Variants in STK10 observed in about 807,000 individuals in gnomAD.
STK10 encodes serine/threonine-protein kinase 10.
A neutral mutation model predicts 113.8 loss-of-function variants in STK10; 78 were observed. That is an observed-to-expected ratio of 0.69 (90% CI 0.57 to 0.83). The LOEUF is 0.83. STK10 is among the 40% of genes least tolerant of loss of function. The pLI, the probability that STK10 is intolerant of heterozygous loss-of-function variation, is 0.00. For missense variants in STK10, 1,109 were observed against 1,280.1 expected, an observed-to-expected ratio of 0.87 and a Z score of 2.04; for synonymous variants, 465 against 494.7, an observed-to-expected ratio of 0.94 and a Z score of 0.80.
At chr5:172,107,630 A>G in intron 5 of STK10, 150 bp downstream of exon 5, 1 of 613,472 alleles carries the variant, frequency 1.6e-6, no homozygotes, top group East Asian at 3.0e-5. Flanking sequence ...GGAAAGCTAA[A>G]CAGCTTGTCC....
At chr5:172,128,971 G>A (rs925575448) in intron 2 of STK10, among the ~76,000 whole-genome samples, 1 of 152,186 alleles carries the variant, frequency 6.6e-6, no homozygotes, top group African/African-American at 2.4e-5. Flanking sequence ...GAGGTCATGT[G>A]GGTCCTATGA....
chr5:172,070,142 G>C (rs2113713704), intron 12 of STK10, among the ~76,000 whole-genome samples: 1 of 152,114 alleles, frequency 6.6e-6, no homozygotes, highest in Non-Finnish European at 1.5e-5. Flanking sequence ...CAGCTACTTG[G>C]GGGGCTGAGG....
chr5:172,098,457 C>T (rs1768906201), intron 7 of STK10, among the ~76,000 whole-genome samples: 1 of 152,016 alleles, frequency 6.6e-6, no homozygotes, highest in Non-Finnish European at 1.5e-5. Context: ...GCTTGTTGGG[C>T]GGCAGGAGCC....
At position 172,066,883 on chromosome 5, in the gene STK10, C is replaced by T. The variant is rs1364964105; in HGVS notation, c.1990-2071G>A. ...AGCTGAGTATGAGTGAGACAGGTGC[C>T]AAGCAGTATAGCAAAAAACAAAAAA... On this transcript the variant is annotated intron_variant, in intron 12 of 18. Coordinates refer to ENST00000176763, the MANE Select transcript of STK10 (RefSeq NM_005990.4). Among the ~76,000 whole-genome samples, 6 of 152,154 alleles carry T rather than the reference C, an allele frequency of 3.9e-5. No individual in the cohort carries two copies. In the East Asian group the frequency reaches 1.2e-3, roughly 29 times the overall value.
intron 4 of STK10, among the ~76,000 whole-genome samples, chr5:172,110,935 TG>T (rs1177532871): frequency 6.6e-6 from 1 of 152,156 alleles, no homozygotes; most frequent in Admixed American, 6.5e-5. Context: ...CGGCACCTCC[TG>T]GGAGTGGTCA....
intron 3 of STK10, among the ~76,000 whole-genome samples, chr5:172,126,421 G>A (rs79273046): frequency 0.15 from 22,627 of 152,072 alleles, 1,684 homozygotes; most frequent in Non-Finnish European, 0.16. Flanking sequence ...AAAATTAGCC[G>A]GGCATGGTCG....
intron 7 of STK10, among the ~76,000 whole-genome samples, chr5:172,097,574 G>A (rs1034971882): frequency 2.6e-5 from 4 of 152,046 alleles, no homozygotes; most frequent in African/African-American, 7.3e-5. Context: ...CTACATTGTC[G>A]CCTATTTCAG....
intron 2 of STK10, among the ~76,000 whole-genome samples, chr5:172,143,339 T>A (rs180973851): frequency 1.3e-5 from 2 of 152,084 alleles, no homozygotes; most frequent in East Asian, 3.9e-4. Flanking sequence ...CACTCCAGGC[T>A]AAGCAACACA....
At chr5:172,114,524 C>G (rs1769330712) in intron 4 of STK10, 1 of 119,386 alleles carries the variant, frequency 8.4e-6, no homozygotes, top group Non-Finnish European at 1.6e-5. Context: ...ACTCTGTCGC[C>G]CAGGCTGGAG....
rs1767408472 is a variant in STK10 at position 172,042,934 on chromosome 5, T to C, written c.*1948A>G. ...CAATGTTGAGAAAATTTCCAGGGAA[T>C]TGCTTTAGAAAGACAGAGTATACAG... On this transcript the variant is annotated 3_prime_UTR_variant, in exon 19 of 19. Transcript: ENST00000176763. 1 of 152,142 alleles carries C rather than the reference T, an allele frequency of 6.6e-6. No homozygotes were observed. The highest frequency in any genetic ancestry group is 1.5e-5 in the Non-Finnish European group (1 of 68,018). 9.4% of individuals were successfully genotyped at this position (152,142 alleles called of 1,614,324 possible).
At chr5:172,053,080 A>G in intron 17 of STK10, 38 bp from the exon 18 acceptor site, 1 of 1,574,630 alleles carries the variant, frequency 6.4e-7, no homozygotes, top group Non-Finnish European at 8.7e-7. Context: ...GAGAAATCAG[A>G]AGACGCAGGC....
At chr5:172,114,383 T>G (rs1769319374) in intron 4 of STK10, among the ~76,000 whole-genome samples, 1 of 144,574 alleles carries the variant, frequency 6.9e-6, no homozygotes, top group Non-Finnish European at 1.5e-5. Flanking sequence ...GATTAAAAAC[T>G]ATAATACTGA....
intron 1 of STK10, among the ~76,000 whole-genome samples, chr5:172,166,523 A>G (rs1188545854): frequency 1.3e-5 from 2 of 152,224 alleles, no homozygotes; most frequent in Non-Finnish European, 2.9e-5. Context: ...ACATTCACTG[A>G]GACCTCACCA....
Position 172,187,768 on chromosome 5 carries a change from C to T in STK10, c.156+119G>A. ...GTCATCGGGATGAGGGCCAGGGACC[C>T]CGAATTCAGCGCCGGGCAGCCCTCG... On this transcript the variant is annotated intron_variant, in intron 1 of 18. Coordinates refer to ENST00000176763, the MANE Select transcript of STK10 (RefSeq NM_005990.4). This position sits in a 1 kb window ranked among gnomAD's most constrained non-coding sequence, Gnocchi z 4.6. 1 of 1,446,418 alleles carries T rather than the reference C, an allele frequency of 6.9e-7. No individual in the cohort carries two copies. Among genetic ancestry groups the T allele is most frequent in the East Asian group, 2.5e-5 (1 of 40,088 alleles). The allele number at this position is 1,446,418 out of a possible 1,614,324, so 89.6% of individuals were successfully genotyped here.
rs1420596469 is a variant in STK10, at chr5:172,083,103, C to T, written c.1686-19G>A. 3 of 1,613,420 alleles carry T rather than the reference C, an allele frequency of 1.9e-6. No individual in the cohort carries two copies. The highest frequency in any genetic ancestry group is 1.7e-4 in the Middle Eastern group (1 of 6,060). Reference sequence around the variant, plus strand: ...CTGGCGCCTGAAAGGTTAAAGGATACAGATATTTCACAGTAAGAAACTGGC... The same window carrying T: ...CTGGCGCCTGAAAGGTTAAAGGATATAGATATTTCACAGTAAGAAACTGGC... On this transcript the variant is annotated intron_variant, in intron 10 of 18. Coordinates refer to ENST00000176763, the MANE Select transcript of STK10 (RefSeq NM_005990.4).
At chr5:172,045,529 A>G in intron 18 of STK10, 1 of 437,660 alleles carries the variant, frequency 2.3e-6, no homozygotes, top group Non-Finnish European at 4.6e-6. Flanking sequence ...GCCTTTGCCT[A>G]AACCCAGAGG....
intron 15 of STK10, chr5:172,056,929 G>T (rs56197006): frequency 1.9e-5 from 2 of 104,688 alleles, no homozygotes; most frequent in Admixed American, 1.1e-4. Context: ...AAGGAAGGAA[G>T]GAAAGAAAAG....
chr5:172,049,893 G>A (rs1039255980), intron 18 of STK10, among the ~76,000 whole-genome samples: 2 of 152,080 alleles, frequency 1.3e-5, no homozygotes, highest in African/African-American at 2.4e-5. Context: ...AACTCTGCCC[G>A]CCGGGTTCAA....
intron 2 of STK10, among the ~76,000 whole-genome samples, chr5:172,142,274 A>G (rs1040882771): frequency 6.6e-6 from 1 of 152,232 alleles, no homozygotes; most frequent in Non-Finnish European, 1.5e-5. Context: ...AATCAGCTCA[A>G]TATTGCTTAG....
Sources: allele counts gnomAD v4.1 joint callset (sites outside exome capture counted in the v4.1 genomes callset), GRCh38; gene constraint gnomAD v4.1.1; non-coding constraint Gnocchi (gnomAD v3.1); transcripts MANE v1.5; gene names NCBI Gene and HGNC (gene_info 2026-07-23, HGNC 2026-07-21).